PDE6B: variants seen among roughly 807,000 people sequenced by gnomAD.
The protein encoded by PDE6B is rod cGMP-specific 3',5'-cyclic phosphodiesterase subunit beta.
Under a neutral mutation model 109.0 loss-of-function variants are expected in PDE6B, and 106 were observed. The observed-to-expected ratio is 0.97, with a 90% CI of 0.83 to 1.14. PDE6B has a LOEUF of 1.14. Among genes scored for constraint, PDE6B ranks in the 50% most tolerant of loss-of-function variants. PDE6B has a pLI of 0.00. For missense variants in PDE6B, 1,193 were observed against 1,155.6 expected (o/e 1.03, Z -0.47); for synonymous variants, 490 against 471.3 (o/e 1.04, Z -0.51).
At chr4:656,141 G>C (rs1736210641) in intron 7 of PDE6B, 104 bp from the exon 8 acceptor site, 8 of 1,022,168 alleles carry the variant, frequency 7.8e-6, no homozygotes, top group Admixed American at 5.1e-5. Context: ...CAGCTGCCCT[G>C]CTTTACCTAC....
chr4:646,338 C>A (rs1472518005), intron 3 of PDE6B, among the ~76,000 whole-genome samples: 1 of 151,982 alleles, frequency 6.6e-6, no homozygotes, highest in Non-Finnish European at 1.5e-5. Context: ...TGAGATGTTT[C>A]CAACGTCTCG....
rs9992641 is a variant in PDE6B, at chr4:653,717, A to G, written c.712-135A>G. The stretch of plus-strand genomic sequence containing the variant: ...GGAGCCACCAATCAGGGTCTGTGCC[A>G]GGCTCCACGGCTGGGCAGGTGGTCA... On this transcript the variant is annotated intron_variant, in intron 3 of 21. Transcript: ENST00000496514. The G allele has an allele frequency of 0.14, 136,908 of 997,264 alleles. 11,600 individuals are homozygous for G. Among genetic ancestry groups the G allele is most frequent in the African/African-American group, 0.34 (21,406 of 63,128 alleles). 61.8% of individuals were successfully genotyped at this position (997,264 alleles called of 1,614,324 possible). A position where few individuals can be genotyped will look rare whatever the true frequency, so the allele number is the denominator to read the frequency against.
chr4:643,355 C>T (rs1345160215), intron 3 of PDE6B, among the ~76,000 whole-genome samples: 1 of 151,916 alleles, frequency 6.6e-6, no homozygotes, highest in Non-Finnish European at 1.5e-5. Flanking sequence ...TCATGAGCTA[C>T]ATTGGTCTGT....
intron 1 of PDE6B, among the ~76,000 whole-genome samples, chr4:631,202 G>A (rs530963706): frequency 6.6e-6 from 1 of 152,374 alleles, no homozygotes; most frequent in East Asian, 1.9e-4. Flanking sequence ...GAGAGAGGCA[G>A]GAAGGCTCTG....
rs1734560692 is a variant in PDE6B, at chr4:634,745, C to T, written c.537C>T (p.Pro179=). ...DYKTKNMLAT[P]IMNGKDVVAV... is the part of the protein sequence containing the mutation. ...AGACAAAGAATATGCTGGCCACACC[C>T]ATCATGAATGGCAAAGACGTCGTGG... is the stretch of plus-strand genomic sequence containing the variant. Residue 179 remains proline (P), a synonymous_variant, in exon 2 of 22, where the codon CCC becomes CCT. Coordinates refer to ENST00000496514, the MANE Select transcript of PDE6B (RefSeq NM_000283.4). 2 of 1,612,158 alleles carry T rather than the reference C, an allele frequency of 1.2e-6. No homozygotes were observed. The highest frequency in any genetic ancestry group is 1.7e-5 in the Admixed American group (1 of 60,014).
In PDE6B at chr4:635,950, G is replaced by T. The variant is rs1310019569; in HGVS notation, c.692G>T (p.Cys231Phe). 6.2e-7 allele frequency: 1 copy of T among 1,606,854 alleles called. No homozygotes were observed. Among genetic ancestry groups the T allele is most frequent in the Non-Finnish European group, 8.5e-7 (1 of 1,173,452 alleles). The change falls in exon 3 of 22, where the codon TGC (cysteine) becomes TTC (phenylalanine). Residue 231 changes from cysteine (C) to phenylalanine (F), a missense_variant. Coordinates refer to ENST00000496514, the MANE Select transcript of PDE6B (RefSeq NM_000283.4). Reference sequence around the variant, plus strand: ...TATCACCTGAGCTACCTCCACAACTGCGAGACGCGCCGCGGCCAGGTACCC... The same window carrying T: ...TATCACCTGAGCTACCTCCACAACTTCGAGACGCGCCGCGGCCAGGTACCC... ...KIYHLSYLHNCETRRGQVLLW... is the reference protein window; with the variant it reads ...KIYHLSYLHNFETRRGQVLLW...
chr4:629,248 G>T (rs189105029), intron 1 of PDE6B, among the ~76,000 whole-genome samples: 215 of 152,294 alleles, frequency 1.4e-3, no homozygotes, highest in Non-Finnish European at 2.4e-3. Context: ...TGCACCCCGG[G>T]CAGGGACGCC....
rs772115736 is a variant in PDE6B at position 665,234 on chromosome 4, G to A, written c.2194-21G>A. The A allele has an allele frequency of 1.3e-6, 2 of 1,593,924 alleles. No individual in the cohort carries two copies. The highest frequency in any genetic ancestry group is 2.2e-5 in the East Asian group (1 of 44,748). Reference sequence around the variant, plus strand: ...GCGTGGGCTCAGAGCTCCACAGACAGCTGCCTTCCTGTGCCTCCAGGTCGC... The same window carrying A: ...GCGTGGGCTCAGAGCTCCACAGACAACTGCCTTCCTGTGCCTCCAGGTCGC... On this transcript the variant is annotated intron_variant, in intron 18 of 21. Transcript: ENST00000496514. This position sits in a 1 kb window ranked among gnomAD's most constrained non-coding sequence, Gnocchi z 4.0.
intron 16 of PDE6B, 62 bp from the exon 17 acceptor site, chr4:664,052 G>C: frequency 7.9e-7 from 1 of 1,271,836 alleles, no homozygotes; most frequent in Non-Finnish European, 1.2e-6. Flanking sequence ...CTGCAGACGG[G>C]CGCTTGGGGC....
At position 654,836 on chromosome 4, in the gene PDE6B, T is replaced by TGCTTCTCAGG; in HGVS notation, c.940_941insGCTTCTCAGG (p.Tyr314CysfsTer46). The TGCTTCTCAGG allele has an allele frequency of 6.4e-7, 1 of 1,566,026 alleles. No homozygotes were observed. Among genetic ancestry groups the TGCTTCTCAGG allele is most frequent in the Non-Finnish European group, 8.8e-7 (1 of 1,136,078 alleles). ...TTCTGCTTCTCAGGAAATTGTCTTC[T>TGCTTCTCAGG]ACAAAGTGATCGACTACGTCCTCCA... On this transcript the variant is annotated frameshift_variant, in exon 6 of 22. Coordinates refer to ENST00000496514, the MANE Select transcript of PDE6B (RefSeq NM_000283.4). LOFTEE classifies it high-confidence loss of function.
intron 21 of PDE6B, among the ~76,000 whole-genome samples, chr4:669,361 A>C (rs867319622): frequency 4.5e-3 from 71 of 15,856 alleles, no homozygotes; most frequent in Admixed American, 6.4e-3. Context: ...TGCTATTCCC[A>C]CTACCCCATG....
At chr4:655,095 G>A (rs1736060728) in intron 6 of PDE6B, 2 of 606,866 alleles carry the variant, frequency 3.3e-6, no homozygotes, top group South Asian at 1.9e-5. Context: ...TCTGGGAGAT[G>A]GTGAGGAGGA....
At position 634,759 on chromosome 4, in the gene PDE6B, A is replaced by G. The variant is rs1734561507; in HGVS notation, c.551A>G (p.Lys184Arg). The change falls in exon 2 of 22, where the codon AAA (lysine) becomes AGA (arginine). Residue 184 changes from lysine to arginine, a missense_variant. Coordinates refer to ENST00000496514, the MANE Select transcript of PDE6B (RefSeq NM_000283.4). ...NMLATPIMNG[K>R]DVVAVIMAVN... ...CTGGCCACACCCATCATGAATGGCA[A>G]AGACGTCGTGGCGGTGATCATGGCA... 9 of 1,613,704 alleles carry G rather than the reference A, an allele frequency of 5.6e-6. No individual in the cohort carries two copies. In the Middle Eastern group the frequency reaches 9.9e-4, roughly 177 times the overall value.
intron 1 of PDE6B, among the ~76,000 whole-genome samples, chr4:628,278 G>A (rs1043684419): frequency 6.6e-6 from 1 of 152,244 alleles, no homozygotes; most frequent in African/African-American, 2.4e-5. Context: ...AGGGGGGACT[G>A]AGGCAGAGCA....
Position 670,535 on chromosome 4 carries a change from C to T in PDE6B, c.*428C>T, listed in dbSNP as rs1738401398. 9.4e-6 allele frequency: 2 copies of T among 213,196 alleles called. No homozygotes were observed. The highest frequency in any genetic ancestry group is 1.9e-5 in the Non-Finnish European group (2 of 103,842). 13.2% of individuals were successfully genotyped at this position (213,196 alleles called of 1,614,324 possible). A position where few individuals can be genotyped will look rare whatever the true frequency, so the allele number is the denominator to read the frequency against. Reference sequence around the variant, plus strand: ...GGGATTACAGGCATGAGCCACCACGCCCAGCCTGTTTTTATAAACTGAAGC... The same window carrying T: ...GGGATTACAGGCATGAGCCACCACGTCCAGCCTGTTTTTATAAACTGAAGC... On this transcript the variant is annotated 3_prime_UTR_variant, in exon 22 of 22. Coordinates refer to ENST00000496514, the MANE Select transcript of PDE6B (RefSeq NM_000283.4).
At chr4:647,595 C>G (rs989726434) in intron 3 of PDE6B, among the ~76,000 whole-genome samples, 4 of 152,032 alleles carry the variant, frequency 2.6e-5, no homozygotes, top group Non-Finnish European at 4.4e-5. Context: ...GCTGTGTCCT[C>G]GTCCCATAAG....
At chr4:660,151 T>G (rs1736892045) in intron 11 of PDE6B, among the ~76,000 whole-genome samples, 1 of 152,196 alleles carries the variant, frequency 6.6e-6, no homozygotes, top group Non-Finnish European at 1.5e-5. Context: ...GTCACGTGTG[T>G]CTGTATCCGT....
chr4:664,586 G>A (rs1362871153), intron 17 of PDE6B, among the ~76,000 whole-genome samples: 1 of 152,136 alleles, frequency 6.6e-6, no homozygotes, highest in Admixed American at 6.5e-5. Context: ...GAGGCCGAGG[G>A]GAGTGGATCA....
rs747157644 is a variant in PDE6B, at chr4:625,619, C to G, written c.-8C>G. 6.3e-6 allele frequency: 10 copies of G among 1,595,646 alleles called. No individual in the cohort carries two copies. The East Asian group carries it at 2.2e-4, about 36-fold the overall frequency. On this transcript the variant is annotated 5_prime_UTR_variant, in exon 1 of 22. Coordinates refer to ENST00000496514, the MANE Select transcript of PDE6B (RefSeq NM_000283.4). This position sits in a 1 kb window ranked among gnomAD's most constrained non-coding sequence, Gnocchi z 5.0. ...GAGCAGCAGCGTCTCCAGGGACAGG[C>G]AGCCACCATGAGCCTCAGTGAGGAG...
Sources: gnomAD v4.1 joint callset for allele counts (sites outside exome capture counted in the v4.1 genomes callset) on GRCh38, gnomAD v4.1.1 for gene constraint, Gnocchi (gnomAD v3.1) non-coding constraint, MANE v1.5 for transcripts, NCBI Gene and HGNC (gene_info 2026-07-23, HGNC 2026-07-21) for gene names.